RPS6KC1: variants seen among roughly 807,000 people sequenced by gnomAD.
RPS6KC1 encodes ribosomal protein S6 kinase C1, also known as inactive ribosomal protein S6 kinase delta-1.
Under a neutral mutation model 103.8 loss-of-function variants are expected in RPS6KC1, and 54 were observed. The observed-to-expected ratio is 0.52, with a 90% CI of 0.42 to 0.65. The LOEUF (loss-of-function observed/expected upper bound fraction) is 0.65, where lower values mean the gene tolerates loss of function less well. Ranked by LOEUF, RPS6KC1 falls within the 30% of genes least tolerant of loss-of-function variation. The pLI is 0.00. For synonymous variants in RPS6KC1, 439 were observed against 438.7 expected, an observed-to-expected ratio of 1.00 and a Z score of -0.01; for missense variants, 1,151 against 1,253.8, an observed-to-expected ratio of 0.92 and a Z score of 1.24.
At chr1:213,237,694 A>T (rs1232617172) in intron 10 of RPS6KC1, among the ~76,000 whole-genome samples, 1 of 152,100 alleles carries the variant, frequency 6.6e-6, no homozygotes, top group Non-Finnish European at 1.5e-5. Flanking sequence ...AATCTTATAG[A>T]AAAACAATAG....
the RPS6KC1 span, among the ~76,000 whole-genome samples, chr1:213,303,075 G>A: frequency 6.6e-6 from 1 of 152,176 alleles, no homozygotes; most frequent in Non-Finnish European, 1.5e-5. Context: ...TGCCTTCTCT[G>A]CTTTGTTACC....
the RPS6KC1 span, among the ~76,000 whole-genome samples, chr1:213,472,689 G>A: frequency 6.6e-6 from 1 of 152,144 alleles, no homozygotes; most frequent in Admixed American, 6.6e-5. Context: ...CATATTCTAG[G>A]TTTTGGGCCC....
At chr1:213,488,781 CTT>C in the RPS6KC1 span, among the ~76,000 whole-genome samples, 1 of 152,204 alleles carries the variant, frequency 6.6e-6, no homozygotes, top group Non-Finnish European at 1.5e-5. Context: ...AGATTCCAAT[CTT>C]TATTTGAAAT....
At chr1:213,329,587 T>C in the RPS6KC1 span, among the ~76,000 whole-genome samples, 2 of 151,652 alleles carry the variant, frequency 1.3e-5, no homozygotes, top group East Asian at 3.9e-4. Context: ...TTTTTTTTTT[T>C]CTGGTCCAAA....
chr1:213,183,540 T>C (rs1031140232), intron 8 of RPS6KC1, among the ~76,000 whole-genome samples: 5 of 151,602 alleles, frequency 3.3e-5, no homozygotes, highest in Admixed American at 2.0e-4. Flanking sequence ...GTTATACTAC[T>C]AAGTAATTCA....
the RPS6KC1 span, among the ~76,000 whole-genome samples, chr1:213,566,637 C>A: frequency 2.0e-3 from 297 of 151,598 alleles, 1 homozygote; most frequent in African/African-American, 6.9e-3. Context: ...TGTTACAATT[C>A]GGGTACCTTC....
the RPS6KC1 span, among the ~76,000 whole-genome samples, chr1:213,711,206 C>G: frequency 1.3e-5 from 2 of 152,090 alleles, no homozygotes; most frequent in African/African-American, 4.8e-5. Flanking sequence ...TTTGTTCATT[C>G]CTTTTCATTC....
chr1:213,636,514 A>T, the RPS6KC1 span, among the ~76,000 whole-genome samples: 2 of 152,228 alleles, frequency 1.3e-5, no homozygotes, highest in African/African-American at 4.8e-5. Flanking sequence ...AGAAATGGGG[A>T]AAGGATTCCC....
rs558397078 is a variant in RPS6KC1, at chr1:213,160,662, A to G, written c.836-7196A>G. On this transcript the variant is annotated intron_variant, in intron 6 of 14. Coordinates refer to ENST00000366960, the MANE Select transcript of RPS6KC1 (RefSeq NM_012424.6). ...CAAGTCATATACAACATGGAATACT[A>G]TGCAGCCATAAAAAAGGATGAGTTC... 1.3e-3 allele frequency among the ~76,000 whole-genome samples: 133 copies of G among 100,500 alleles called. 1 individual carries two copies. The highest frequency in any genetic ancestry group is 2.4e-3 in the Non-Finnish European group (105 of 43,510). 65.9% of individuals were successfully genotyped at this position (100,500 alleles called of 152,430 possible).
intron 3 of RPS6KC1, among the ~76,000 whole-genome samples, chr1:213,084,196 C>T (rs1308290203): frequency 6.6e-6 from 1 of 152,090 alleles, no homozygotes; most frequent in Non-Finnish European, 1.5e-5. Context: ...CCTTTCTCCC[C>T]CAGCACACAC....
At position 213,104,469 on chromosome 1, in the gene RPS6KC1, C is replaced by T. The variant is rs1558323237; in HGVS notation, c.278C>T (p.Thr93Ile). The change falls in exon 4 of 15, where the codon ACT becomes ATT. Residue 93 changes from threonine to isoleucine, a missense_variant. Transcript: ENST00000366960. The stretch of plus-strand genomic sequence containing the variant: ...TTAATTGTAGGGCGATTTGATGAAA[C>T]TGTTATCGAAGAGAGAAGACAATGT... ...KGIVFGRFDE[T>I]VIEERRQCAE... 1.2e-5 allele frequency: 20 copies of T among 1,608,630 alleles called. No homozygotes were observed. The highest frequency in any genetic ancestry group is 1.6e-5 in the Non-Finnish European group (19 of 1,175,738).
chr1:213,709,647 T>A, the RPS6KC1 span, among the ~76,000 whole-genome samples: 1 of 152,216 alleles, frequency 6.6e-6, no homozygotes, highest in South Asian at 2.1e-4. Context: ...CTTCCTCCAG[T>A]GGGCATTTAT....
At chr1:213,832,280 TG>T in the RPS6KC1 span, among the ~76,000 whole-genome samples, 2 of 152,216 alleles carry the variant, frequency 1.3e-5, no homozygotes, top group Non-Finnish European at 2.9e-5. Context: ...ACTCCTGTTC[TG>T]GGACCAGAAG....
intron 5 of RPS6KC1, among the ~76,000 whole-genome samples, chr1:213,128,740 A>G (rs2085271128): frequency 6.6e-6 from 1 of 152,214 alleles, no homozygotes; most frequent in African/African-American, 2.4e-5. Context: ...ATGGTTACCT[A>G]AAAGCACACT....
the RPS6KC1 span, among the ~76,000 whole-genome samples, chr1:213,733,615 A>G: frequency 2.6e-4 from 38 of 143,888 alleles, no homozygotes; most frequent in African/African-American, 9.6e-4. Flanking sequence ...GAAAATATTT[A>G]TATTGCAAGA....
the RPS6KC1 span, among the ~76,000 whole-genome samples, chr1:213,598,546 T>TA: frequency 1.1e-3 from 168 of 150,804 alleles, no homozygotes; most frequent in African/African-American, 3.7e-3. Flanking sequence ...TTTAGGTAAA[T>TA]AAAAAAAAAT....
chr1:213,285,531 A>G, the RPS6KC1 span, among the ~76,000 whole-genome samples: 2 of 152,244 alleles, frequency 1.3e-5, no homozygotes, highest in Non-Finnish European at 2.9e-5. Flanking sequence ...AGGACTAAGA[A>G]GGAGACAGCA....
At chr1:213,218,999 AG>A (rs1200498502) in intron 8 of RPS6KC1, among the ~76,000 whole-genome samples, 2 of 152,364 alleles carry the variant, frequency 1.3e-5, no homozygotes, top group South Asian at 4.1e-4. Context: ...AACAAAAGCC[AG>A]AATTGACAAA....
At chr1:213,262,659 C>A in intron 13 of RPS6KC1, 62 bp from the exon 14 acceptor site, 1 of 1,093,402 alleles carries the variant, frequency 9.1e-7, no homozygotes, top group Non-Finnish European at 1.4e-6. Context: ...TCCATAAATC[C>A]TATGATAGAA....
Sources: allele counts gnomAD v4.1 joint callset (sites outside exome capture counted in the v4.1 genomes callset), GRCh38; gene constraint gnomAD v4.1.1; transcripts MANE v1.5; gene names NCBI Gene and HGNC (gene_info 2026-07-23, HGNC 2026-07-21).